Variants in RIMS2 observed in about 807,000 individuals in gnomAD.
RIMS2 encodes the protein regulating synaptic membrane exocytosis protein 2.
RIMS2 carries 59 observed loss-of-function variants against 174.4 expected under a neutral mutation model. The observed-to-expected ratio is 0.34, with a 90% CI of 0.27 to 0.42. The LOEUF is 0.42. Ranked by LOEUF, RIMS2 falls within the 10% of genes least tolerant of loss-of-function variation. The pLI is 1.00. For missense variants in RIMS2, 1,620 were observed against 1,666.3 expected (o/e 0.97, Z 0.48); for synonymous variants, 606 against 572.5 (o/e 1.06, Z -0.84).
chr8:104,019,545 G>T (rs768823868), intron 19 of RIMS2, among the ~76,000 whole-genome samples: 3 of 151,966 alleles, frequency 2.0e-5, no homozygotes, highest in Admixed American at 2.0e-4. Context: ...CATCTCTTAA[G>T]CTACTAGAAT....
intron 1 of RIMS2, among the ~76,000 whole-genome samples, chr8:103,504,252 C>A (rs1822167278): frequency 6.6e-6 from 1 of 151,768 alleles, no homozygotes; most frequent in African/African-American, 2.4e-5. Flanking sequence ...TTCTTGAGGG[C>A]AAGAATCAAA....
At chr8:103,639,393 A>G (rs2096173343) in intron 1 of RIMS2, among the ~76,000 whole-genome samples, 1 of 151,966 alleles carries the variant, frequency 6.6e-6, no homozygotes, top group South Asian at 2.1e-4. Context: ...ATTATCCAGC[A>G]ACACTATAGA....
At chr8:104,013,747 T>C in intron 18 of RIMS2, 126 bp downstream of exon 20, 1 of 683,216 alleles carries the variant, frequency 1.5e-6, no homozygotes, top group Non-Finnish European at 2.5e-6. Context: ...GATACTAACC[T>C]TTTCAATGTA....
chr8:103,911,444 T>C (rs370630962), intron 5 of RIMS2, among the ~76,000 whole-genome samples: 17 of 152,170 alleles, frequency 1.1e-4, no homozygotes, highest in African/African-American at 3.9e-4. Flanking sequence ...TGTAATCTAT[T>C]CTCACCTGTA....
chr8:104,059,536 C>T (rs2096937998), intron 19 of RIMS2, among the ~76,000 whole-genome samples: 1 of 146,398 alleles, frequency 6.8e-6, no homozygotes, highest in African/African-American at 2.5e-5. Flanking sequence ...TTGACTTCCT[C>T]TTTTCCTAAT....
At chr8:103,931,227 T>C in intron 11 of RIMS2, 36 bp from the exon 14 acceptor site, 2 of 1,503,846 alleles carry the variant, frequency 1.3e-6, no homozygotes, top group Non-Finnish European at 1.8e-6. Context: ...GTGTAGTAAA[T>C]GTTTGAATTG....
chr8:104,232,797 T>A (rs2099237852), intron 19 of RIMS2, among the ~76,000 whole-genome samples: 1 of 152,238 alleles, frequency 6.6e-6, no homozygotes, highest in Non-Finnish European at 1.5e-5. Context: ...CTCAACCATG[T>A]GCTTATACCC....
chr8:103,639,952 G>T (rs1290661469), intron 1 of RIMS2, among the ~76,000 whole-genome samples: 1 of 151,734 alleles, frequency 6.6e-6, no homozygotes, highest in Non-Finnish European at 1.5e-5. Flanking sequence ...AAAAAATGTT[G>T]AGTCTTTCTA....
intron 3 of RIMS2, among the ~76,000 whole-genome samples, chr8:103,884,462 G>A (rs1351778894): frequency 6.6e-6 from 1 of 151,680 alleles, no homozygotes; most frequent in Non-Finnish European, 1.5e-5. Context: ...TTGTTAACAG[G>A]GTATCATGTC....
intron 13 of RIMS2, among the ~76,000 whole-genome samples, chr8:103,940,744 T>C (rs1171959110): frequency 6.6e-6 from 1 of 151,940 alleles, no homozygotes; most frequent in Admixed American, 6.6e-5. Flanking sequence ...GGCACAGTGG[T>C]GGGCTCCTGT....
At chr8:104,148,801 T>C (rs1390548296) in intron 19 of RIMS2, 2 of 1,598,418 alleles carry the variant, frequency 1.3e-6, no homozygotes, top group Admixed American at 3.3e-5. Context: ...GTAGCTATCG[T>C]TGGTCTGTCA....
intron 16 of RIMS2, 102 bp from the exon 19 acceptor site, chr8:103,989,203 C>A: frequency 1.4e-6 from 1 of 712,772 alleles, no homozygotes; most frequent in Non-Finnish European, 2.4e-6. Context: ...TGGACTTCAC[C>A]ATATAGTGAC....
chr8:103,727,318 A>G (rs2097538433), intron 2 of RIMS2, among the ~76,000 whole-genome samples: 1 of 152,186 alleles, frequency 6.6e-6, no homozygotes, highest in African/African-American at 2.4e-5. Flanking sequence ...TAATATATTC[A>G]CTTATGAAAC....
intron 1 of RIMS2, among the ~76,000 whole-genome samples, chr8:103,578,779 A>T (rs1481167094): frequency 1.3e-5 from 2 of 152,128 alleles, no homozygotes; most frequent in African/African-American, 4.8e-5. Context: ...AGGCAGGCTT[A>T]TCACCTGAGG....
At chr8:103,672,693 C>T (rs2096759699) in intron 1 of RIMS2, among the ~76,000 whole-genome samples, 1 of 152,026 alleles carries the variant, frequency 6.6e-6, no homozygotes, top group African/African-American at 2.4e-5. Context: ...GCCTCACCTC[C>T]AGCACTGGGG....
chr8:103,529,012 TC>T (rs1327785409), intron 1 of RIMS2, among the ~76,000 whole-genome samples: 4 of 152,242 alleles, frequency 2.6e-5, no homozygotes, highest in Non-Finnish European at 5.9e-5. Context: ...TACTGAGTCT[TC>T]CTATCCATGA....
intron 19 of RIMS2, among the ~76,000 whole-genome samples, chr8:104,184,646 C>T (rs1479970982): frequency 6.6e-6 from 1 of 151,170 alleles, no homozygotes; most frequent in Admixed American, 6.6e-5. Flanking sequence ...AAGAAATTTC[C>T]AAAGGTTATT....
chr8:103,697,755 G>A (rs570880073), intron 2 of RIMS2, among the ~76,000 whole-genome samples: 3 of 152,050 alleles, frequency 2.0e-5, no homozygotes, highest in East Asian at 1.9e-4. Flanking sequence ...GGCAGGGTGC[G>A]GTGGCTCAAA....
At chr8:104,242,287 C>A (rs1324350372) in intron 19 of RIMS2, among the ~76,000 whole-genome samples, 1 of 152,026 alleles carries the variant, frequency 6.6e-6, no homozygotes, top group Non-Finnish European at 1.5e-5. Context: ...TATAACATTT[C>A]AGGTCTAAAT....
Sources: allele counts gnomAD v4.1 joint callset (sites outside exome capture counted in the v4.1 genomes callset), GRCh38; gene constraint gnomAD v4.1.1; transcripts MANE v1.5; gene names NCBI Gene and HGNC (gene_info 2026-07-23, HGNC 2026-07-21).